Variants in GPATCH2 observed in about 807,000 individuals in gnomAD.
GPATCH2 encodes G patch domain-containing protein 2.
GPATCH2 carries 51 observed loss-of-function variants against 58.0 expected under a neutral mutation model. The observed-to-expected ratio is 0.88, with a 90% CI of 0.70 to 1.11. The LOEUF is 1.11. Among genes scored for constraint, GPATCH2 ranks in the 50% most tolerant of loss-of-function variants. The pLI is 0.00. For synonymous variants in GPATCH2, 222 were observed against 218.5 expected (o/e 1.02, Z -0.14); for missense variants, 625 against 652.2 (o/e 0.96, Z 0.45).
intron 6 of GPATCH2, among the ~76,000 whole-genome samples, chr1:217,508,002 TATC>T (rs1363390620): frequency 1.3e-5 from 2 of 152,154 alleles, no homozygotes; most frequent in African/African-American, 2.4e-5. Context: ...ATGTCATCAT[TATC>T]ATCATTTTGA....
intron 8 of GPATCH2, among the ~76,000 whole-genome samples, chr1:217,483,625 T>C (rs572930676): frequency 3.2e-4 from 48 of 152,368 alleles, no homozygotes; most frequent in African/African-American, 1.1e-3. Flanking sequence ...ACTTCAAAAC[T>C]GGTTTCCAGA....
At chr1:217,468,908 T>C (rs992143407) in intron 8 of GPATCH2, among the ~76,000 whole-genome samples, 43 of 152,128 alleles carry the variant, frequency 2.8e-4, no homozygotes, top group Non-Finnish European at 5.4e-4. Flanking sequence ...TAAAAAATTT[T>C]CTATGATAAA....
rs775087701 is a variant in GPATCH2, at chr1:217,449,291, G to A, written c.1324C>T (p.Arg442Trp). Residue 442 changes from arginine to tryptophan, a missense_variant, in exon 9 of 10, where the codon CGG becomes TGG. By Grantham distance (101) the Arg-to-Trp change is moderately radical (BLOSUM62 -3). Coordinates refer to ENST00000366935, the MANE Select transcript of GPATCH2 (RefSeq NM_018040.5). ...LGSLCTGDIK[R>W]RRKAAPLPGP... Reference sequence around the variant, plus strand: ...GGCAAAGGTGCAGCTTTTCTTCTCCGTTTGATATCTCCCGTGCATAAGGAT... The same window carrying A: ...GGCAAAGGTGCAGCTTTTCTTCTCCATTTGATATCTCCCGTGCATAAGGAT... 9.3e-6 allele frequency: 15 copies of A among 1,609,832 alleles called. No homozygotes were observed. Among genetic ancestry groups the A allele is most frequent in the African/African-American group, 2.7e-5 (2 of 74,770 alleles).
intron 1 of GPATCH2, among the ~76,000 whole-genome samples, chr1:217,622,875 T>G (rs1012669378): frequency 7.2e-5 from 11 of 152,142 alleles, no homozygotes; most frequent in African/African-American, 2.7e-4. Flanking sequence ...TGAATTTGAT[T>G]AAAAGAACTG....
chr1:217,530,198 C>T (rs1664120447), intron 5 of GPATCH2, among the ~76,000 whole-genome samples: 1 of 152,138 alleles, frequency 6.6e-6, no homozygotes, highest in South Asian at 2.1e-4. Context: ...ATTTTTTCCC[C>T]TCCAGTATAA....
At chr1:217,454,833 C>T (rs1032896611) in intron 8 of GPATCH2, among the ~76,000 whole-genome samples, 1 of 151,834 alleles carries the variant, frequency 6.6e-6, no homozygotes, top group African/African-American at 2.4e-5. Context: ...GGGGTTTCAC[C>T]TTATTGGCCA....
chr1:217,577,570 C>T (rs1010581611), intron 5 of GPATCH2, among the ~76,000 whole-genome samples: 3 of 152,086 alleles, frequency 2.0e-5, no homozygotes, highest in Non-Finnish European at 4.4e-5. Context: ...AATGTTATCT[C>T]AATACATCCA....
At chr1:217,445,960 T>A (rs1659371125) in intron 9 of GPATCH2, among the ~76,000 whole-genome samples, 1 of 152,174 alleles carries the variant, frequency 6.6e-6, no homozygotes, top group African/African-American at 2.4e-5. Context: ...TTATTATGAA[T>A]ACAATTTATC....
intron 6 of GPATCH2, 64 bp from the exon 7 acceptor site, chr1:217,498,459 C>A: frequency 8.3e-7 from 1 of 1,198,080 alleles, no homozygotes; most frequent in Non-Finnish European, 1.2e-6. Flanking sequence ...CTCACATGAT[C>A]GAGCCGCATG....
rs1450007482 is a variant in GPATCH2 at position 217,614,194 on chromosome 1, C to T, written c.782G>A (p.Ser261Asn). ...SDELMSESDS[S>N]SLSSTDAGLF... ...TCCAGCATCAGTGCTGCTGAGACTG[C>T]TGGAATCACTGTAATAAGGAAAAAG... is the stretch of plus-strand genomic sequence containing the variant. Residue 261 changes from serine (S) to asparagine (N), a missense_variant, in exon 3 of 10, where the codon AGC (serine) becomes AAC (asparagine). Coordinates refer to ENST00000366935, the MANE Select transcript of GPATCH2 (RefSeq NM_018040.5). 1 of 1,548,554 alleles carries T rather than the reference C, an allele frequency of 6.5e-7. No homozygotes were observed. Among genetic ancestry groups the T allele is most frequent in the East Asian group, 2.2e-5 (1 of 44,498 alleles).
intron 5 of GPATCH2, among the ~76,000 whole-genome samples, chr1:217,569,935 A>C (rs1666455681): frequency 6.6e-6 from 1 of 152,154 alleles, no homozygotes; most frequent in African/African-American, 2.4e-5. Flanking sequence ...ATGAACAGAA[A>C]ACATGGAAAT....
chr1:217,438,426 C>T (rs2102532550), intron 9 of GPATCH2, among the ~76,000 whole-genome samples: 1 of 152,154 alleles, frequency 6.6e-6, no homozygotes, highest in East Asian at 1.9e-4. Context: ...TAATAACAAA[C>T]TCCTACAAGC....
intron 5 of GPATCH2, among the ~76,000 whole-genome samples, chr1:217,581,442 T>C (rs1232938030): frequency 1.3e-5 from 2 of 152,184 alleles, no homozygotes; most frequent in Admixed American, 6.5e-5. Context: ...GCTAATTAGT[T>C]GCATGGTGAA....
At chr1:217,604,533 G>A (rs750045783) in intron 5 of GPATCH2, among the ~76,000 whole-genome samples, 1 of 152,056 alleles carries the variant, frequency 6.6e-6, no homozygotes, top group Non-Finnish European at 1.5e-5. Flanking sequence ...ATACAAACAT[G>A]TATCAGTTCA....
intron 9 of GPATCH2, among the ~76,000 whole-genome samples, chr1:217,448,173 A>AC (rs1659479958): frequency 6.6e-6 from 1 of 150,460 alleles, no homozygotes; most frequent in Non-Finnish European, 1.5e-5. Flanking sequence ...ATGCTACCCC[A>AC]CCCCCATAAA....
intron 9 of GPATCH2, among the ~76,000 whole-genome samples, chr1:217,433,133 G>A (rs1273963031): frequency 6.6e-6 from 1 of 151,634 alleles, no homozygotes; most frequent in Admixed American, 6.6e-5. Context: ...GGATTATTAC[G>A]GCACCTTCTC....
chr1:217,449,566 G>T lies in GPATCH2; in HGVS notation c.1278-229C>A, dbSNP rs997422848. Among the ~76,000 whole-genome samples, 4 of 152,124 alleles carry T rather than the reference G, an allele frequency of 2.6e-5. No individual in the cohort carries two copies. In the South Asian group the frequency reaches 6.2e-4, roughly 24 times the overall value. On this transcript the variant is annotated intron_variant, in intron 8 of 9. Coordinates refer to ENST00000366935, the MANE Select transcript of GPATCH2 (RefSeq NM_018040.5). ...CTGGAATGAATAATATAAAAGGAATGCTTTTTAATTTTCAAAACTGGCAAT... is the reference window on the plus strand; with the variant it reads ...CTGGAATGAATAATATAAAAGGAATTCTTTTTAATTTTCAAAACTGGCAAT...
intron 5 of GPATCH2, among the ~76,000 whole-genome samples, chr1:217,529,492 C>G (rs771881887): frequency 1.2e-4 from 19 of 152,142 alleles, no homozygotes; most frequent in Non-Finnish European, 2.4e-4. Flanking sequence ...TCAGGTTTTT[C>G]TCTTCACACA....
Position 217,591,332 on chromosome 1 carries a change from A to G in GPATCH2, c.1098+18989T>C, listed in dbSNP as rs1484447818. Among the ~76,000 whole-genome samples the G allele has an allele frequency of 2.0e-5, 3 of 152,080 alleles. No individual in the cohort carries two copies. The East Asian group carries it at 5.8e-4, about 29-fold the overall frequency. ...GTACGTGTGTGTGTGCGTAAGACTAATGGACCTGTTTAAAAACATTCGTTT... is the reference window on the plus strand; with the variant it reads ...GTACGTGTGTGTGTGCGTAAGACTAGTGGACCTGTTTAAAAACATTCGTTT... On this transcript the variant is annotated intron_variant, in intron 5 of 9. Transcript: ENST00000366935.
Sources: allele counts gnomAD v4.1 joint callset (sites outside exome capture counted in the v4.1 genomes callset), GRCh38; gene constraint gnomAD v4.1.1; transcripts MANE v1.5; gene names NCBI Gene and HGNC (gene_info 2026-07-23, HGNC 2026-07-21).